The following TENM2 variants were observed in gnomAD, a reference collection of about 807,000 sequenced individuals.
TENM2 encodes teneurin transmembrane protein 2.
A neutral mutation model predicts 245.2 loss-of-function variants in TENM2; 52 were observed. That is an observed-to-expected ratio of 0.21 (90% CI 0.17 to 0.27). TENM2 has a LOEUF of 0.27. Ranked by LOEUF, TENM2 falls within the 10% of genes least tolerant of loss-of-function variation. TENM2 has a pLI of 1.00. For synonymous variants in TENM2, 1,363 were observed against 1,438.9 expected, an observed-to-expected ratio of 0.95 and a Z score of 1.19; for missense variants, 3,046 against 3,666.8, an observed-to-expected ratio of 0.83 and a Z score of 4.37.
intron 3 of TENM2, among the ~76,000 whole-genome samples, chr5:167,924,059 G>A (rs534544395): frequency 2.0e-5 from 3 of 152,102 alleles, no homozygotes; most frequent in South Asian, 2.1e-4. Context: ...TCCAAGTCCC[G>A]GGTCTCCTTA....
chr5:167,984,480 AC>A (rs1156504521), intron 4 of TENM2, among the ~76,000 whole-genome samples: 1 of 152,056 alleles, frequency 6.6e-6, no homozygotes. Flanking sequence ...ACATGGTGAA[AC>A]CCCGTCTCTA....
intron 9 of TENM2, among the ~76,000 whole-genome samples, chr5:168,115,074 A>C (rs1002273596): frequency 6.6e-6 from 1 of 152,090 alleles, no homozygotes; most frequent in Admixed American, 6.5e-5. Context: ...CGGGTGGATC[A>C]CCTGAGGTCA....
chr5:167,821,699 T>G (rs951110340), intron 2 of TENM2, among the ~76,000 whole-genome samples: 1 of 152,234 alleles, frequency 6.6e-6, no homozygotes, highest in Non-Finnish European at 1.5e-5. Flanking sequence ...TTGGAAATTT[T>G]TTTTGTTATG....
chr5:167,483,839 A>C (rs2127532483), intron 2 of TENM2, among the ~76,000 whole-genome samples: 1 of 152,348 alleles, frequency 6.6e-6, no homozygotes, highest in African/African-American at 2.4e-5. Context: ...TGTTTTATTT[A>C]ACGATAAATT....
exon 4 of TENM2, chr5:167,952,705 A>G (rs1283474991): frequency 3.7e-6 from 6 of 1,611,030 alleles, no homozygotes; most frequent in Non-Finnish European, 5.1e-6. Flanking sequence ...TCACTGACCA[A>G]TCGGCGGAGT....
chr5:167,928,719 C>T (rs1453239231), intron 3 of TENM2, among the ~76,000 whole-genome samples: 2 of 151,392 alleles, frequency 1.3e-5, no homozygotes, highest in Non-Finnish European at 1.5e-5. Context: ...CGTGGTGAAA[C>T]CCCATCTCTA....
the TENM2 span, among the ~76,000 whole-genome samples, chr5:167,093,336 G>A: frequency 2.6e-5 from 4 of 152,020 alleles, no homozygotes; most frequent in African/African-American, 9.7e-5. Context: ...CCATTTTCTT[G>A]GTCCTGTATT....
chr5:167,105,887 C>CAAAAAAAAAAAAAAAAAAAAAA, the TENM2 span, among the ~76,000 whole-genome samples: 1 of 48,848 alleles, frequency 2.0e-5, no homozygotes, highest in Non-Finnish European at 3.3e-5. Context: ...GACTCCGTCT[C>CAAAAAAAAAAAAAAAAAAAAAA]AAAAAAAAAA....
intron 5 of TENM2, among the ~76,000 whole-genome samples, chr5:168,034,123 A>ATATATATATATGTATACATATATGTG (rs1562077480): frequency 1.4e-5 from 1 of 73,734 alleles, no homozygotes; most frequent in South Asian, 4.3e-4. Flanking sequence ...ATATATGTGT[A>ATATATATATATGTATACATATATGTG]TATATATATA....
Position 167,452,902 on chromosome 5 carries a change from C to T in TENM2, c.502+77429C>T, listed in dbSNP as rs1029357897. 8.3e-4 allele frequency among the ~76,000 whole-genome samples: 83 copies of T among 99,682 alleles called. 1 individual carries two copies. Among genetic ancestry groups the T allele is most frequent in the Non-Finnish European group, 2.2e-4 (11 of 50,300 alleles). 65.4% of individuals were successfully genotyped at this position (99,682 alleles called of 152,430 possible). ...ATATGTAACAAACTTGCACGTTGTA[C>T]ACATGTACCCTAGAACTTAAAGTAT... On this transcript the variant is annotated intron_variant, in intron 2 of 28. Coordinates refer to ENST00000518659, the Ensembl canonical transcript of TENM2.
chr5:167,603,984 C>T (rs935565327), intron 2 of TENM2, among the ~76,000 whole-genome samples: 2 of 152,052 alleles, frequency 1.3e-5, no homozygotes, highest in Non-Finnish European at 2.9e-5. Flanking sequence ...TACAAATTTC[C>T]CCATTTAATA....
rs3083413 is a variant in TENM2, at chr5:168,090,218, C to CCACACACACACACA, written c.1516-324_1516-311dup. On this transcript the variant is annotated intron_variant, in intron 7 of 28. Transcript: ENST00000518659. ...GCAACAGCATATACCACTCCCCCCACCACACACACACACACACACACACAC... is the reference window on the plus strand; with the variant it reads ...GCAACAGCATATACCACTCCCCCCACCACACACACACACACACACACACACACACACACACACAC... Among the ~76,000 whole-genome samples the CCACACACACACACA allele has an allele frequency of 3.8e-4, 52 of 136,792 alleles. No homozygotes were observed. The Middle Eastern group carries it at 0.011, about 29-fold the overall frequency. The allele number at this position is 136,792 out of a possible 152,430, so 89.7% of individuals were successfully genotyped here.
chr5:167,609,675 G>A (rs1777340601), intron 2 of TENM2, among the ~76,000 whole-genome samples: 1 of 152,028 alleles, frequency 6.6e-6, no homozygotes, highest in Admixed American at 6.6e-5. Context: ...TGTTGCGTTA[G>A]AATTTGAGGA....
At chr5:167,219,135 A>G in the TENM2 span, among the ~76,000 whole-genome samples, 1 of 152,164 alleles carries the variant, frequency 6.6e-6, no homozygotes, top group Non-Finnish European at 1.5e-5. Context: ...TCCTCAGCCA[A>G]TAGTAAACTG....
intron 9 of TENM2, among the ~76,000 whole-genome samples, chr5:168,106,324 C>T (rs1417513243): frequency 1.4e-5 from 2 of 143,682 alleles, no homozygotes; most frequent in Non-Finnish European, 3.0e-5. Context: ...CTCATGGCTA[C>T]ATGCCAGCAC....
At chr5:167,125,326 T>C in the TENM2 span, among the ~76,000 whole-genome samples, 4 of 152,218 alleles carry the variant, frequency 2.6e-5, no homozygotes, top group African/African-American at 9.6e-5. Flanking sequence ...ACACGATCAG[T>C]AACTTTGATG....
At chr5:167,989,313 G>A (rs1349646393) in intron 4 of TENM2, among the ~76,000 whole-genome samples, 2 of 149,542 alleles carry the variant, frequency 1.3e-5, no homozygotes, top group African/African-American at 5.0e-5. Context: ...AGATAGATTT[G>A]TGAGTGCACA....
At chr5:167,519,855 C>G (rs565005961) in intron 2 of TENM2, among the ~76,000 whole-genome samples, 15 of 152,084 alleles carry the variant, frequency 9.9e-5, no homozygotes, top group Non-Finnish European at 1.8e-4. Flanking sequence ...TATTGGCACT[C>G]CAAGAACCGA....
chr5:167,685,420 C>T (rs1314070827), intron 2 of TENM2, among the ~76,000 whole-genome samples: 1 of 152,148 alleles, frequency 6.6e-6, no homozygotes, highest in African/African-American at 2.4e-5. Flanking sequence ...CATCACCTTC[C>T]TCAGCCTTCC....
Sources: gnomAD v4.1 joint callset for allele counts (sites outside exome capture counted in the v4.1 genomes callset) on GRCh38, gnomAD v4.1.1 for gene constraint, MANE v1.5 for transcripts, NCBI Gene and HGNC (gene_info 2026-07-23, HGNC 2026-07-21) for gene names.